Variants in CARD8 observed in about 807,000 individuals in gnomAD.
The protein encoded by CARD8 is caspase recruitment domain-containing protein 8.
Under a neutral mutation model 53.2 loss-of-function variants are expected in CARD8, and 38 were observed. The observed-to-expected ratio is 0.71, with a 90% confidence interval of 0.55 to 0.94. The LOEUF is 0.94. Among genes scored for constraint, CARD8 ranks in the 40% least tolerant of loss-of-function variants. The pLI is 0.00. For synonymous variants in CARD8, 245 were observed against 244.9 expected (o/e 1.00, Z 0.00); for missense variants, 561 against 655.5 (o/e 0.86, Z 1.57).
At chr19:48,235,259 G>T (rs911148328) in intron 5 of CARD8, among the ~76,000 whole-genome samples, 1 of 152,180 alleles carries the variant, frequency 6.6e-6, no homozygotes, top group African/African-American at 2.4e-5. Flanking sequence ...GAGGTTAGGA[G>T]TGATGGAGTG....
intron 3 of CARD8, among the ~76,000 whole-genome samples, chr19:48,242,821 C>A (rs577370628): frequency 6.6e-6 from 1 of 152,112 alleles, no homozygotes; most frequent in African/African-American, 2.4e-5. Context: ...GTGCTCGCTT[C>A]GGCAGCACAT....
Position 48,230,713 on chromosome 19 carries a change from C to A in CARD8, c.773-13G>T. ...TCCACCTCACCTGCTGCAGGAGAACCACAACAGCAGTGAGACGGCACGCAC... is the reference window on the plus strand; with the variant it reads ...TCCACCTCACCTGCTGCAGGAGAACAACAACAGCAGTGAGACGGCACGCAC... On this transcript the variant is annotated splice_polypyrimidine_tract_variant and intron_variant, in intron 9 of 13. Transcript: ENST00000651546. The A allele has an allele frequency of 6.2e-7, 1 of 1,613,214 alleles. No homozygotes were observed. Among genetic ancestry groups the A allele is most frequent in the Non-Finnish European group, 8.5e-7 (1 of 1,179,300 alleles).
intron 7 of CARD8, 173 bp from the exon 8 acceptor site, chr19:48,231,983 A>G (rs993410610): frequency 2.8e-6 from 2 of 701,912 alleles, no homozygotes; most frequent in Non-Finnish European, 5.2e-6. Context: ...AGAAAGGCAC[A>G]AGAATGTTCC....
chr19:48,211,070 C>A lies in CARD8; in HGVS notation c.*640G>T, dbSNP rs1184915387. ...TTGGAGTTGACCATGAACATTTAAC[C>A]CAACAACTCCTTGTAGCAGGCTACA... On this transcript the variant is annotated 3_prime_UTR_variant, in exon 14 of 14. Coordinates refer to ENST00000651546, the MANE Select transcript of CARD8 (RefSeq NM_001184900.3). 6.6e-6 allele frequency: 1 copy of A among 152,278 alleles called. No individual in the cohort carries two copies. Among genetic ancestry groups the A allele is most frequent in the African/African-American group, 2.4e-5 (1 of 41,420 alleles). 9.4% of individuals were successfully genotyped at this position (152,278 alleles called of 1,614,324 possible).
chr19:48,220,580 A>T (rs993729647), intron 11 of CARD8, among the ~76,000 whole-genome samples: 1 of 152,144 alleles, frequency 6.6e-6, no homozygotes, highest in African/African-American at 2.4e-5. Flanking sequence ...GGACAACCTC[A>T]TCTTTATTTT....
chr19:48,207,734 G>GTTTTTTTTTTTTTGTTTTT (rs1555790116), downstream of CARD8, among the ~76,000 whole-genome samples: 4 of 116,536 alleles, frequency 3.4e-5, 1 homozygote, highest in South Asian at 2.7e-4. Flanking sequence ...TTGTTTTTCT[G>GTTTTTTTTTTTTTGTTTTT]TTTTTTTTTT....
chr19:48,221,780 C>T lies in CARD8; in HGVS notation c.1111G>A (p.Gly371Ser), dbSNP rs747789818. ...TSPPMEPLNFGSSYIVSNSAN... is the reference protein window; with the variant it reads ...TSPPMEPLNFSSSYIVSNSAN... The stretch of plus-strand genomic sequence containing the variant: ...GAATTAGACACAATATAACTGGAAC[C>T]AAAGTTCAGGGGTTCCATTGGGGGC... The change falls in exon 11 of 14, where the codon GGT becomes AGT. Residue 371 changes from glycine to serine, a missense_variant. By Grantham distance (56) the Gly-to-Ser change is moderately conservative (BLOSUM62 0). Coordinates refer to ENST00000651546, the MANE Select transcript of CARD8 (RefSeq NM_001184900.3). 2 of 1,608,442 alleles carry T rather than the reference C, an allele frequency of 1.2e-6. No homozygotes were observed. Among genetic ancestry groups the T allele is most frequent in the Non-Finnish European group, 8.5e-7 (1 of 1,176,026 alleles).
chr19:48,233,510 T>C (rs1230176199), intron 6 of CARD8: 4 of 409,132 alleles, frequency 9.8e-6, no homozygotes, highest in East Asian at 7.5e-5. Context: ...CTAAGACTGG[T>C]TGCTGTCTGC....
chr19:48,210,236 C>T lies in CARD8; in HGVS notation c.*1474G>A, dbSNP rs545483268. ...CAGAAAACAATGTCAACTAAAAATA[C>T]TACAAGCAAAAAACATCACTGAGAA... On this transcript the variant is annotated 3_prime_UTR_variant, in exon 14 of 14. Coordinates refer to ENST00000651546, the MANE Select transcript of CARD8 (RefSeq NM_001184900.3). 1 of 152,118 alleles carries T rather than the reference C, an allele frequency of 6.6e-6. No individual in the cohort carries two copies. The highest frequency in any genetic ancestry group is 2.1e-4 in the South Asian group (1 of 4,822). The allele number at this position is 152,118 out of a possible 1,614,324, so 9.4% of individuals were successfully genotyped here.
rs188970029 is a variant in CARD8, at chr19:48,218,947, C to T, written c.1227G>A (p.Gln409=). 72 of 1,613,924 alleles carry T rather than the reference C, an allele frequency of 4.5e-5. No homozygotes were observed. In the East Asian group the frequency reaches 1.6e-3, roughly 35 times the overall value. ...IQHFSKFYAG[Q]MKEPIQLEIT... is the part of the protein sequence containing the mutation. The stretch of plus-strand genomic sequence containing the variant: ...TCTCAAGTTGAATGGGTTCCTTCAT[C>T]TGCCCAGCATAGAATTTTGAGAAGT... Residue 409 remains glutamine (Q), a synonymous_variant, in exon 12 of 14, where the codon CAG becomes CAA. Coordinates refer to ENST00000651546, the MANE Select transcript of CARD8 (RefSeq NM_001184900.3).
Position 48,232,403 on chromosome 19 carries a change from A to G in CARD8, c.391+50T>C, listed in dbSNP as rs1186828352. On this transcript the variant is annotated intron_variant, in intron 7 of 13. Coordinates refer to ENST00000651546, the MANE Select transcript of CARD8 (RefSeq NM_001184900.3). Reference sequence around the variant, plus strand: ...TCTTCTTCACATAAAATCACAGAACATTTCCATCAATCCACACGCCCTTCA... The same window carrying G: ...TCTTCTTCACATAAAATCACAGAACGTTTCCATCAATCCACACGCCCTTCA... 7 of 1,471,416 alleles carry G rather than the reference A, an allele frequency of 4.8e-6. No individual in the cohort carries two copies. The East Asian group carries it at 1.5e-4, about 31-fold the overall frequency. 91.1% of individuals were successfully genotyped at this position (1,471,416 alleles called of 1,614,324 possible).
intron 11 of CARD8, among the ~76,000 whole-genome samples, chr19:48,221,467 G>T (rs2040612210): frequency 6.6e-6 from 1 of 152,000 alleles, no homozygotes; most frequent in African/African-American, 2.4e-5. Flanking sequence ...ATTATAACAG[G>T]GAAATGGAAA....
intron 1 of CARD8, among the ~76,000 whole-genome samples, chr19:48,253,229 G>A (rs2047161548): frequency 6.6e-6 from 1 of 152,102 alleles, no homozygotes; most frequent in East Asian, 1.9e-4. Flanking sequence ...GGGATTACAG[G>A]TATGCATCAC....
intron 10 of CARD8, 147 bp downstream of exon 10, chr19:48,230,291 G>C (rs1240988493): frequency 2.4e-6 from 2 of 819,442 alleles, no homozygotes; most frequent in East Asian, 5.1e-5. Flanking sequence ...TCAGCACCTT[G>C]GATGAACCTC....
rs1237258658 is a variant in CARD8 at position 48,209,543 on chromosome 19, T to C, written c.*2167A>G. ...CAGAATAATGGAAAAAATGAAAAGATGTTCTAAATAAGTAGAATATCAGGG... is the reference window on the plus strand; with the variant it reads ...CAGAATAATGGAAAAAATGAAAAGACGTTCTAAATAAGTAGAATATCAGGG... On this transcript the variant is annotated 3_prime_UTR_variant, in exon 14 of 14. Transcript: ENST00000651546. The C allele has an allele frequency of 6.6e-6, 1 of 152,068 alleles. No homozygotes were observed. Among genetic ancestry groups the C allele is most frequent in the Non-Finnish European group, 1.5e-5 (1 of 68,018 alleles). The allele number at this position is 152,068 out of a possible 1,614,324, so 9.4% of individuals were successfully genotyped here.
Position 48,211,058 on chromosome 19 carries a change from T to C in CARD8, c.*652A>G, listed in dbSNP as rs570823683. 2 of 152,510 alleles carry C rather than the reference T, an allele frequency of 1.3e-5. No individual in the cohort carries two copies. Among genetic ancestry groups the C allele is most frequent in the African/African-American group, 2.4e-5 (1 of 41,586 alleles). 9.4% of individuals were successfully genotyped at this position (152,510 alleles called of 1,614,324 possible). ...TCTCAGTATTCCTTGGAGTTGACCATGAACATTTAACCCAACAACTCCTTG... is the reference window on the plus strand; with the variant it reads ...TCTCAGTATTCCTTGGAGTTGACCACGAACATTTAACCCAACAACTCCTTG... On this transcript the variant is annotated 3_prime_UTR_variant, in exon 14 of 14. Transcript: ENST00000651546.
intron 3 of CARD8, among the ~76,000 whole-genome samples, chr19:48,243,105 C>CA (rs1485937949): frequency 1.3e-5 from 2 of 152,124 alleles, no homozygotes; most frequent in African/African-American, 4.8e-5. Flanking sequence ...CTCCACCTCC[C>CA]AGGTTCAAGC....
Position 48,215,519 on chromosome 19 carries a change from A to G in CARD8, c.1304-135T>C, listed in dbSNP as rs2039088326. 4 of 620,184 alleles carry G rather than the reference A, an allele frequency of 6.4e-6. No homozygotes were observed. In the South Asian group the frequency reaches 7.0e-5, roughly 11 times the overall value. 38.4% of individuals were successfully genotyped at this position (620,184 alleles called of 1,614,324 possible). A position where few individuals can be genotyped will look rare whatever the true frequency, so the allele number is the denominator to read the frequency against. On this transcript the variant is annotated intron_variant, in intron 12 of 13. Transcript: ENST00000651546. ...CATAAGGCTCTTGTTTTGCACACTA[A>G]TACACTGAGGAAACCCCATTAAGTT...
chr19:48,240,839 G>T, intron 4 of CARD8, 123 bp downstream of exon 4: 1 of 802,048 alleles, frequency 1.2e-6, no homozygotes, highest in South Asian at 1.6e-5. Flanking sequence ...ATGGGTGAAT[G>T]AATAAAATGT....
Sources: gnomAD v4.1 joint callset for allele counts (sites outside exome capture counted in the v4.1 genomes callset) on GRCh38, gnomAD v4.1.1 for gene constraint, MANE v1.5 for transcripts, NCBI Gene and HGNC (gene_info 2026-07-23, HGNC 2026-07-21) for gene names.